SLC12A2: variants seen among roughly 807,000 people sequenced by gnomAD.
SLC12A2 encodes Na-K-2Cl cotransporter 1.
A neutral mutation model predicts 136.3 loss-of-function variants in SLC12A2; 67 were observed. The ratio of observed to expected loss-of-function variants is 0.49; its 90% CI spans 0.40 to 0.60. The LOEUF (loss-of-function observed/expected upper bound fraction) is 0.60. Ranked by LOEUF, SLC12A2 falls within the 20% of genes least tolerant of loss-of-function variation. SLC12A2 has a pLI of 0.00. For missense variants in SLC12A2, 1,322 were observed against 1,534.7 expected (o/e 0.86, Z 2.32); for synonymous variants, 619 against 562.9 (o/e 1.10, Z -1.41).
At position 128,186,818 on chromosome 5, in the gene SLC12A2, A is replaced by G; in HGVS notation, c.*187A>G. Reference sequence around the variant, plus strand: ...TGTATGGAGACTTCGGTTTTAGTCAATTCCATATCTCAATCTTAATGGTGA... The same window carrying G: ...TGTATGGAGACTTCGGTTTTAGTCAGTTCCATATCTCAATCTTAATGGTGA... On this transcript the variant is annotated 3_prime_UTR_variant, in exon 27 of 27. Coordinates refer to ENST00000262461, the MANE Select transcript of SLC12A2 (RefSeq NM_001046.3). The G allele has an allele frequency of 4.1e-6, 2 of 490,140 alleles. No homozygotes were observed. The highest frequency in any genetic ancestry group is 4.6e-5 in the South Asian group (1 of 21,676). The allele number at this position is 490,140 out of a possible 1,614,324, so 30.4% of individuals were successfully genotyped here.
intron 16 of SLC12A2, among the ~76,000 whole-genome samples, chr5:128,158,646 T>C (rs1581121940): frequency 1.3e-5 from 2 of 152,300 alleles, no homozygotes; most frequent in East Asian, 1.9e-4. Flanking sequence ...ATGTTGTGAA[T>C]AGTGCTTCAA....
chr5:128,184,374 C>A lies in SLC12A2; in HGVS notation c.3308C>A (p.Ala1103Asp). 6.5e-7 allele frequency: 1 copy of A among 1,543,286 alleles called. No homozygotes were observed. Among genetic ancestry groups the A allele is most frequent in the Non-Finnish European group, 8.8e-7 (1 of 1,141,856 alleles). ...NTKPKKENII[A>D]FEEIIEPYRL... is the part of the protein sequence containing the mutation. ...CTTTCTGTTTTTTAAAGTATTATAG[C>A]TTTTGAGGAAATCATTGAGCCATAC... The change falls in exon 25 of 27, where the codon GCT becomes GAT. Residue 1103 changes from alanine (A) to aspartate (D), a missense_variant. Coordinates refer to ENST00000262461, the MANE Select transcript of SLC12A2 (RefSeq NM_001046.3).
chr5:128,118,258 A>T (rs1338454805), intron 4 of SLC12A2, among the ~76,000 whole-genome samples: 1 of 152,220 alleles, frequency 6.6e-6, no homozygotes, highest in Non-Finnish European at 1.5e-5. Flanking sequence ...TATGAAAAAG[A>T]CACTTGTGCA....
rs899157794 is a variant in SLC12A2 at position 128,084,209 on chromosome 5, G to A, written c.255G>A (p.Leu85=). ...GCCAGAGCCGTTTCCAGGTGGACCT[G>A]GTTTCCGAGAACGCCGGGCGGGCCG... ...TPSQSRFQVD[L]VSENAGRAAA... is the part of the protein sequence containing the mutation. Residue 85 remains leucine (L), a synonymous_variant, in exon 1 of 27, where the codon CTG becomes CTA. Transcript: ENST00000262461. This position sits in a 1 kb window ranked among gnomAD's most constrained non-coding sequence, Gnocchi z 5.6. 2.3e-6 allele frequency: 3 copies of A among 1,285,746 alleles called. No individual in the cohort carries two copies. Among genetic ancestry groups the A allele is most frequent in the African/African-American group, 3.1e-5 (2 of 64,114 alleles). 79.6% of individuals were successfully genotyped at this position (1,285,746 alleles called of 1,614,324 possible).
chr5:128,149,703 A>G (rs1392716414), intron 12 of SLC12A2, among the ~76,000 whole-genome samples: 3 of 151,900 alleles, frequency 2.0e-5, no homozygotes, highest in African/African-American at 7.2e-5. Context: ...AAACAGTACT[A>G]TTATGATGCA....
At chr5:128,142,023 C>A in intron 10 of SLC12A2, 42 bp downstream of exon 10, 1 of 1,539,770 alleles carries the variant, frequency 6.5e-7, no homozygotes, top group Non-Finnish European at 9.0e-7. Context: ...CTGTATTTAT[C>A]TAGGGGTGAG....
intron 1 of SLC12A2, among the ~76,000 whole-genome samples, chr5:128,096,812 A>G (rs1003847208): frequency 1.3e-5 from 2 of 152,096 alleles, no homozygotes; most frequent in African/African-American, 4.8e-5. Flanking sequence ...GCAAAATAAC[A>G]GCAATAACAA....
intron 16 of SLC12A2, 68 bp downstream of exon 16, chr5:128,158,232 T>C: frequency 8.8e-7 from 1 of 1,133,626 alleles, no homozygotes. Flanking sequence ...CAGGAATACA[T>C]GTGCAGGTTT....
chr5:128,088,720 G>A (rs554320325), intron 1 of SLC12A2, among the ~76,000 whole-genome samples: 1 of 152,296 alleles, frequency 6.6e-6, no homozygotes, highest in South Asian at 2.1e-4. Context: ...GTTTCTATAT[G>A]ATTCCTGTAT....
chr5:128,150,496 A>T (rs1253694176), intron 13 of SLC12A2, among the ~76,000 whole-genome samples: 1 of 151,860 alleles, frequency 6.6e-6, no homozygotes, highest in East Asian at 1.9e-4. Flanking sequence ...TTTAATTTTA[A>T]AAAAGGAACA....
In SLC12A2 at chr5:128,141,760, A is replaced by T. The variant is rs1056290971; in HGVS notation, c.1622-70A>T. The T allele has an allele frequency of 3.1e-6, 4 of 1,299,918 alleles. No individual in the cohort carries two copies. The African/African-American group carries it at 4.5e-5, about 15-fold the overall frequency. The allele number at this position is 1,299,918 out of a possible 1,614,324, so 80.5% of individuals were successfully genotyped here. On this transcript the variant is annotated intron_variant, in intron 9 of 26. Coordinates refer to ENST00000262461, the MANE Select transcript of SLC12A2 (RefSeq NM_001046.3). ...TACTTTGGTTTCTTTATAAATATAT[A>T]TATGTATATAAAATTCTGAAATGAA...
intron 20 of SLC12A2, 78 bp from the exon 21 acceptor site, chr5:128,177,027 G>T: frequency 1.2e-6 from 1 of 828,896 alleles, no homozygotes; most frequent in Non-Finnish European, 1.8e-6. Flanking sequence ...GTTTATAAAT[G>T]TGCTCTGATT....
chr5:128,112,829 G>T lies in SLC12A2; in HGVS notation c.772G>T (p.Gly258Cys). The T allele has an allele frequency of 6.2e-7, 1 of 1,609,430 alleles. No homozygotes were observed. The highest frequency in any genetic ancestry group is 8.5e-7 in the Non-Finnish European group (1 of 1,177,650). Residue 258 changes from glycine (G) to cysteine (C), a missense_variant, in exon 2 of 27, where the codon GGC (glycine) becomes TGC (cysteine). By Grantham distance (159) the Gly-to-Cys change is radical. Transcript: ENST00000262461. ...DELEKEPFED[G>C]FANGEESTPT... The stretch of plus-strand genomic sequence containing the variant: ...TTATAACCAGGAACCTTTTGAGGAT[G>T]GCTTTGCAAATGGGGAAGAAAGTAC...
intron 1 of SLC12A2, among the ~76,000 whole-genome samples, chr5:128,087,790 T>C (rs1760154308): frequency 6.6e-6 from 1 of 151,900 alleles, no homozygotes; most frequent in Admixed American, 6.6e-5. Flanking sequence ...ATAGTAAAGG[T>C]TGGTGGCACA....
intron 11 of SLC12A2, among the ~76,000 whole-genome samples, chr5:128,148,248 TAAATC>T (rs964027737): frequency 4.0e-5 from 6 of 151,742 alleles, no homozygotes; most frequent in Non-Finnish European, 8.9e-5. Flanking sequence ...TTTTTATTGG[TAAATC>T]AAATAAATGA....
At chr5:128,175,884 T>A (rs1015943465) in intron 20 of SLC12A2, among the ~76,000 whole-genome samples, 1 of 152,024 alleles carries the variant, frequency 6.6e-6, no homozygotes, top group East Asian at 1.9e-4. Flanking sequence ...TGCCATTAAA[T>A]GTCTGCTTTA....
At chr5:128,096,938 G>T (rs1191365485) in intron 1 of SLC12A2, among the ~76,000 whole-genome samples, 1 of 151,938 alleles carries the variant, frequency 6.6e-6, no homozygotes, top group East Asian at 1.9e-4. Flanking sequence ...TAACCCTTTA[G>T]ATATAAGAAC....
At position 128,165,043 on chromosome 5, in the gene SLC12A2, A is replaced by G. The variant is rs139845622; in HGVS notation, c.2617-2718A>G. Among the ~76,000 whole-genome samples, 1,211 of 152,044 alleles carry G rather than the reference A, an allele frequency of 8.0e-3. 21 individuals are homozygous for G. Among genetic ancestry groups the G allele is most frequent in the African/African-American group, 0.027 (1,117 of 41,474 alleles). ...TTTTTTGTAGAGATGAGGTTTCACC[A>G]TGTTGCTCAGGCTGGTCTTGAACTC... On this transcript the variant is annotated intron_variant, in intron 17 of 26. Transcript: ENST00000262461.
At chr5:128,149,419 T>C (rs1373178812) in intron 12 of SLC12A2, among the ~76,000 whole-genome samples, 2 of 151,782 alleles carry the variant, frequency 1.3e-5, no homozygotes, top group Non-Finnish European at 3.0e-5. Flanking sequence ...TCGTAAACTT[T>C]TCTGTGATCA....
Sources: gnomAD v4.1 joint callset for allele counts (sites outside exome capture counted in the v4.1 genomes callset) on GRCh38, gnomAD v4.1.1 for gene constraint, Gnocchi (gnomAD v3.1) non-coding constraint, MANE v1.5 for transcripts, NCBI Gene and HGNC (gene_info 2026-07-23, HGNC 2026-07-21) for gene names.